Variants in DIAPH3 observed in about 807,000 individuals in gnomAD.
DIAPH3 encodes protein diaphanous homolog 3.
A neutral mutation model predicts 144.3 loss-of-function variants in DIAPH3; 117 were observed. That is an observed-to-expected ratio of 0.81 (90% confidence interval 0.70 to 0.95). The LOEUF (loss-of-function observed/expected upper bound fraction) is 0.95. Ranked by LOEUF, DIAPH3 falls within the 40% of genes least tolerant of loss-of-function variation. The pLI, the probability that DIAPH3 is intolerant of heterozygous loss-of-function variation, is 0.00. For missense variants in DIAPH3, 1,421 were observed against 1,412.7 expected, an observed-to-expected ratio of 1.01 and a Z score of -0.09; for synonymous variants, 519 against 488.9, an observed-to-expected ratio of 1.06 and a Z score of -0.81.
At chr13:59,889,785 G>A (rs1387770258) in intron 20 of DIAPH3, among the ~76,000 whole-genome samples, 1 of 152,026 alleles carries the variant, frequency 6.6e-6, no homozygotes, top group African/African-American at 2.4e-5. Context: ...ATCATCTTAA[G>A]TTGTATAGTT....
intron 27 of DIAPH3, among the ~76,000 whole-genome samples, chr13:59,748,291 C>T (rs2036805461): frequency 6.6e-6 from 1 of 152,196 alleles, no homozygotes; most frequent in African/African-American, 2.4e-5. Flanking sequence ...AATATCTACT[C>T]TAGTTCTCTA....
At chr13:59,751,360 T>C (rs1593750521) in intron 27 of DIAPH3, among the ~76,000 whole-genome samples, 1 of 152,356 alleles carries the variant, frequency 6.6e-6, no homozygotes, top group South Asian at 2.1e-4. Flanking sequence ...GAGCCAAGGT[T>C]CTGGCTGTTA....
intron 25 of DIAPH3, among the ~76,000 whole-genome samples, chr13:59,805,022 C>A (rs982232393): frequency 6.6e-6 from 1 of 152,010 alleles, no homozygotes; most frequent in African/African-American, 2.4e-5. Flanking sequence ...TGTGGGTAAA[C>A]AACAGATTTC....
intron 27 of DIAPH3, among the ~76,000 whole-genome samples, chr13:59,723,075 T>C (rs342581): frequency 0.74 from 111,989 of 151,986 alleles, 41,573 homozygotes; most frequent in East Asian, 0.88. Flanking sequence ...AAATAACTCT[T>C]CAGAATAATG....
At chr13:59,992,679 T>C in intron 9 of DIAPH3, 96 bp from the exon 10 acceptor site, 1 of 941,734 alleles carries the variant, frequency 1.1e-6, no homozygotes, top group African/African-American at 1.6e-5. Context: ...CATTATTAAA[T>C]ATCTTTCCTA....
intron 5 of DIAPH3, among the ~76,000 whole-genome samples, chr13:60,032,910 C>A (rs750190955): frequency 2.6e-5 from 4 of 152,180 alleles, no homozygotes; most frequent in Admixed American, 6.5e-5. Flanking sequence ...ATATAAATTT[C>A]TTTGCTCCAA....
chr13:60,131,067 A>G (rs1319637503), intron 2 of DIAPH3, among the ~76,000 whole-genome samples: 4 of 152,160 alleles, frequency 2.6e-5, no homozygotes, highest in Non-Finnish European at 5.9e-5. Flanking sequence ...TGAAAGAGAA[A>G]AAAATGCAAT....
intron 27 of DIAPH3, among the ~76,000 whole-genome samples, chr13:59,734,315 A>G (rs371026508): frequency 6.6e-5 from 10 of 152,204 alleles, no homozygotes; most frequent in African/African-American, 2.4e-4. Context: ...TGAGGGTGAA[A>G]AAAGAAGATA....
At chr13:59,861,155 A>G (rs1051026895) in intron 22 of DIAPH3, 3 of 1,225,650 alleles carry the variant, frequency 2.4e-6, no homozygotes, top group South Asian at 1.7e-5. Context: ...GCTAGCAGGT[A>G]TCTACAAGGT....
At chr13:59,747,608 G>A (rs2036769916) in intron 27 of DIAPH3, among the ~76,000 whole-genome samples, 3 of 152,172 alleles carry the variant, frequency 2.0e-5, no homozygotes, top group South Asian at 4.1e-4. Context: ...ACTGGGACCT[G>A]AGAAATATCA....
chr13:59,880,213 A>T (rs2044922448), intron 20 of DIAPH3, among the ~76,000 whole-genome samples: 1 of 152,068 alleles, frequency 6.6e-6, no homozygotes, highest in Non-Finnish European at 1.5e-5. Context: ...CTTTATCCTT[A>T]CTCCTGTGTT....
At position 59,962,080 on chromosome 13, in the gene DIAPH3, G is replaced by C. The variant is rs531892917; in HGVS notation, c.2074+7864C>G. The stretch of plus-strand genomic sequence containing the variant: ...ATTTCATTACATGTATTGGTTCTTT[G>C]AATTAAAAAAAAGAAAAAAAGGCAA... On this transcript the variant is annotated intron_variant, in intron 17 of 27. Transcript: ENST00000400324. 4.6e-5 allele frequency among the ~76,000 whole-genome samples: 7 copies of C among 151,668 alleles called. No homozygotes were observed. In the South Asian group the frequency reaches 1.5e-3, roughly 32 times the overall value.
chr13:59,999,634 C>T (rs901326080), intron 9 of DIAPH3, among the ~76,000 whole-genome samples: 2 of 152,132 alleles, frequency 1.3e-5, no homozygotes, highest in Non-Finnish European at 1.5e-5. Context: ...CTAAAATAGA[C>T]CTGTTCCTGG....
chr13:60,075,862 G>C (rs184249172), intron 4 of DIAPH3, among the ~76,000 whole-genome samples: 3 of 152,224 alleles, frequency 2.0e-5, no homozygotes, highest in Admixed American at 6.5e-5. Context: ...TCCAGATGTA[G>C]CTGATATCCA....
intron 5 of DIAPH3, chr13:60,021,076 A>T (rs1188297438): frequency 6.6e-6 from 1 of 152,262 alleles, no homozygotes; most frequent in Non-Finnish European, 1.5e-5. Flanking sequence ...GCATAAAAGG[A>T]CTAAGCATGT....
At chr13:60,071,341 A>C (rs2057198812) in intron 4 of DIAPH3, among the ~76,000 whole-genome samples, 1 of 152,128 alleles carries the variant, frequency 6.6e-6, no homozygotes, top group Non-Finnish European at 1.5e-5. Flanking sequence ...AGGATTCAGA[A>C]CTGACTGTAA....
chr13:59,817,666 A>G (rs1459233763), intron 24 of DIAPH3, among the ~76,000 whole-genome samples: 1 of 151,560 alleles, frequency 6.6e-6, no homozygotes, highest in African/African-American at 2.4e-5. Flanking sequence ...GTTTCCATCT[A>G]TTTGTCTAGC....
At chr13:59,962,689 C>T (rs1048030648) in intron 17 of DIAPH3, among the ~76,000 whole-genome samples, 7 of 151,996 alleles carry the variant, frequency 4.6e-5, no homozygotes, top group African/African-American at 1.4e-4. Flanking sequence ...AGGTTTTTCC[C>T]GCCCGGTCTT....
chr13:60,154,885 T>C (rs1013717456), intron 1 of DIAPH3, among the ~76,000 whole-genome samples: 6 of 152,246 alleles, frequency 3.9e-5, no homozygotes, highest in African/African-American at 1.4e-4. Context: ...GAGGATACTA[T>C]GTGCTAAGTT....
Sources: allele counts gnomAD v4.1 joint callset (sites outside exome capture counted in the v4.1 genomes callset), GRCh38; gene constraint gnomAD v4.1.1; transcripts MANE v1.5; gene names NCBI Gene and HGNC (gene_info 2026-07-23, HGNC 2026-07-21).